Variants in FOXN2 observed in about 807,000 individuals in gnomAD.
FOXN2 encodes the protein forkhead box N2, also known as forkhead box protein N2.
In FOXN2, 19 loss-of-function variants were observed where a neutral mutation model predicts 41.2. The observed-to-expected ratio is 0.46, with a 90% CI of 0.32 to 0.68. The LOEUF is 0.68. FOXN2 is among the 30% of genes least tolerant of loss of function. FOXN2 has a pLI of 0.03. For missense variants in FOXN2, 587 were observed against 509.4 expected, an observed-to-expected ratio of 1.15 and a Z score of -1.47; for synonymous variants, 195 against 176.8, an observed-to-expected ratio of 1.10 and a Z score of -0.82.
intron 3 of FOXN2, among the ~76,000 whole-genome samples, chr2:48,348,244 T>C (rs1463101468): frequency 1.3e-5 from 2 of 152,188 alleles, no homozygotes; most frequent in Non-Finnish European, 2.9e-5. Context: ...TCCTCCACTC[T>C]TTCTCTCTTA....
In FOXN2 at chr2:48,377,612, C is replaced by T. The variant is rs893218196; in HGVS notation, c.*2169C>T. On this transcript the variant is annotated 3_prime_UTR_variant, in exon 7 of 7. Transcript: ENST00000340553. ...ATTCTTTACATCTTTTGATTTTTCT[C>T]TTCCTTTTTATTCACTCTTCCCACG... 1 of 151,954 alleles carries T rather than the reference C, an allele frequency of 6.6e-6. No homozygotes were observed. Among genetic ancestry groups the T allele is most frequent in the Non-Finnish European group, 1.5e-5 (1 of 67,868 alleles). 9.4% of individuals were successfully genotyped at this position (151,954 alleles called of 1,614,324 possible). A position where few individuals can be genotyped will look rare whatever the true frequency, so the allele number is the denominator to read the frequency against.
chr2:48,319,662 T>A (rs1027398324), intron 1 of FOXN2, among the ~76,000 whole-genome samples: 1 of 149,206 alleles, frequency 6.7e-6, no homozygotes, highest in Non-Finnish European at 1.5e-5. Flanking sequence ...CCTGCTGGAG[T>A]GCAGTGGTAA....
At chr2:48,354,251 T>C (rs1305903114) in intron 3 of FOXN2, among the ~76,000 whole-genome samples, 1 of 152,178 alleles carries the variant, frequency 6.6e-6, no homozygotes. Context: ...AATGATTGGC[T>C]AAGAAGAAGT....
chr2:48,334,276 A>C (rs1452366414), intron 2 of FOXN2, among the ~76,000 whole-genome samples: 1 of 152,174 alleles, frequency 6.6e-6, no homozygotes. Context: ...AATTTGCAAC[A>C]CTTGTGTGGC....
At chr2:48,370,124 A>G (rs1672792064) in intron 5 of FOXN2, among the ~76,000 whole-genome samples, 1 of 152,156 alleles carries the variant, frequency 6.6e-6, no homozygotes, top group Non-Finnish European at 1.5e-5. Flanking sequence ...TAAGGCAGTG[A>G]GTGGGGCCTG....
At chr2:48,362,604 A>G (rs1672262743) in intron 4 of FOXN2, 39 bp from the exon 5 acceptor site, 2 of 1,577,526 alleles carry the variant, frequency 1.3e-6, no homozygotes, top group Non-Finnish European at 8.7e-7. Flanking sequence ...TGAAGTAAAC[A>G]TTTTTATAAG....
chr2:48,371,877 TATTA>T (rs1479822412), intron 5 of FOXN2, among the ~76,000 whole-genome samples: 1 of 152,178 alleles, frequency 6.6e-6, no homozygotes, highest in African/African-American at 2.4e-5. Context: ...GACTTTTGTG[TATTA>T]ATTTTGTATC....
At position 48,374,979 on chromosome 2, in the gene FOXN2, T is replaced by G; in HGVS notation, c.832T>G (p.Phe278Val). ...LQKKRSYGNA[F>V]HHPSAVRLQE... The stretch of plus-strand genomic sequence containing the variant: ...AAAAAAGAGGAGTTACGGCAATGCA[T>G]TTCATCATCCCAGTGCTGTACGATT... Residue 278 changes from phenylalanine to valine, a missense_variant, in exon 7 of 7, where the codon TTT becomes GTT. By Grantham distance (50) the Phe-to-Val change is conservative. Coordinates refer to ENST00000340553, the MANE Select transcript of FOXN2 (RefSeq NM_002158.4). The G allele has an allele frequency of 1.2e-6, 2 of 1,613,920 alleles. No homozygotes were observed.
chr2:48,354,431 C>T (rs1033100740), intron 3 of FOXN2, among the ~76,000 whole-genome samples: 1 of 152,186 alleles, frequency 6.6e-6, no homozygotes, highest in African/African-American at 2.4e-5. Context: ...GAAACCCCAT[C>T]TCTACTAAAA....
At chr2:48,332,786 C>A (rs1233843572) in intron 2 of FOXN2, among the ~76,000 whole-genome samples, 1 of 152,014 alleles carries the variant, frequency 6.6e-6, no homozygotes, top group Non-Finnish European at 1.5e-5. Flanking sequence ...GTTCTAAGTG[C>A]TTTATTTTTG....
At chr2:48,374,479 A>G (rs1318495120) in intron 6 of FOXN2, among the ~76,000 whole-genome samples, 1 of 152,198 alleles carries the variant, frequency 6.6e-6, no homozygotes, top group African/African-American at 2.4e-5. Flanking sequence ...TGAGAATACC[A>G]ATTATAATTT....
chr2:48,333,027 C>T (rs1670110951), intron 2 of FOXN2, among the ~76,000 whole-genome samples: 1 of 152,102 alleles, frequency 6.6e-6, no homozygotes, highest in Non-Finnish European at 1.5e-5. Flanking sequence ...CCTTATCCTT[C>T]ATAATTTCAA....
At chr2:48,363,848 C>A (rs182638438) in intron 5 of FOXN2, among the ~76,000 whole-genome samples, 1 of 152,180 alleles carries the variant, frequency 6.6e-6, no homozygotes, top group Non-Finnish European at 1.5e-5. Context: ...CTATGATGTT[C>A]ACACAGTGAC....
At chr2:48,361,674 T>C (rs1461862302) in intron 4 of FOXN2, among the ~76,000 whole-genome samples, 2 of 152,118 alleles carry the variant, frequency 1.3e-5, no homozygotes, top group African/African-American at 2.4e-5. Context: ...AAACTATGAA[T>C]AGGAAATAAA....
chr2:48,336,216 C>G (rs543859330), intron 2 of FOXN2, among the ~76,000 whole-genome samples: 3 of 151,232 alleles, frequency 2.0e-5, no homozygotes, highest in African/African-American at 7.3e-5. Context: ...CCAGCCTGGC[C>G]AACATGGTGA....
chr2:48,326,905 A>C (rs1669714711), intron 1 of FOXN2, among the ~76,000 whole-genome samples: 1 of 152,218 alleles, frequency 6.6e-6, no homozygotes, highest in African/African-American at 2.4e-5. Context: ...AAAAATCCCC[A>C]ATCCAAAGCA....
intron 5 of FOXN2, among the ~76,000 whole-genome samples, chr2:48,370,605 C>T (rs576542573): frequency 2.0e-5 from 3 of 152,178 alleles, no homozygotes; most frequent in Admixed American, 2.0e-4. Context: ...TTCTTTTGAG[C>T]AATGTCTGTT....
At chr2:48,367,016 G>A (rs1039405190) in intron 5 of FOXN2, among the ~76,000 whole-genome samples, 1 of 152,054 alleles carries the variant, frequency 6.6e-6, no homozygotes, top group African/African-American at 2.4e-5. Flanking sequence ...CTTTAGACAC[G>A]GAAAACTAAA....
chr2:48,317,051 G>C (rs139120308), intron 1 of FOXN2, among the ~76,000 whole-genome samples: 1 of 152,206 alleles, frequency 6.6e-6, no homozygotes, highest in East Asian at 1.9e-4. Context: ...TTTTAGTTGA[G>C]AAAGAAAAGT....
Sources: gnomAD v4.1 joint callset for allele counts (sites outside exome capture counted in the v4.1 genomes callset) on GRCh38, gnomAD v4.1.1 for gene constraint, MANE v1.5 for transcripts, NCBI Gene and HGNC (gene_info 2026-07-23, HGNC 2026-07-21) for gene names.